Variants in LDLRAD3 observed in about 807,000 individuals in gnomAD.
LDLRAD3 encodes the protein low-density lipoprotein receptor class A domain-containing protein 3.
Under a neutral mutation model 29.4 loss-of-function variants are expected in LDLRAD3, and 20 were observed. The observed-to-expected ratio is 0.68, with a 90% CI of 0.48 to 0.99. LDLRAD3 has a LOEUF of 0.99. LDLRAD3 is among the 50% of genes least tolerant of loss of function. LDLRAD3 has a pLI of 0.00. For synonymous variants in LDLRAD3, 157 were observed against 192.7 expected (o/e 0.81, Z 1.53); for missense variants, 420 against 454.3 (o/e 0.92, Z 0.69).
rs1851922477 is a variant in LDLRAD3 at position 36,009,050 on chromosome 11, C to G, written c.47-27053C>G. 3.3e-5 allele frequency among the ~76,000 whole-genome samples: 5 copies of G among 151,950 alleles called. No individual in the cohort carries two copies. The South Asian group carries it at 8.3e-4, about 25-fold the overall frequency. The stretch of plus-strand genomic sequence containing the variant: ...ATCTCCCTCCTTTGTATTTTTTTCT[C>G]TCTTCTCCAACACTCTGAGATCAAG... On this transcript the variant is annotated intron_variant, in intron 1 of 5. Coordinates refer to ENST00000315571, the MANE Select transcript of LDLRAD3 (RefSeq NM_174902.4).
At chr11:36,191,940 A>T (rs1854960270) in intron 4 of LDLRAD3, among the ~76,000 whole-genome samples, 1 of 152,062 alleles carries the variant, frequency 6.6e-6, no homozygotes, top group African/African-American at 2.4e-5. Flanking sequence ...AATAAACTAG[A>T]ACTAAATCCT....
chr11:36,092,615 G>T (rs1225508864), intron 3 of LDLRAD3, among the ~76,000 whole-genome samples: 2 of 152,138 alleles, frequency 1.3e-5, no homozygotes, highest in Non-Finnish European at 2.9e-5. Flanking sequence ...TCTTGAGGTT[G>T]CTTTTTAGAG....
intron 1 of LDLRAD3, among the ~76,000 whole-genome samples, chr11:36,023,463 C>A (rs935033918): frequency 6.6e-6 from 1 of 152,168 alleles, no homozygotes; most frequent in Admixed American, 6.5e-5. Context: ...GATTCTCTGG[C>A]TAGCTCCAGC....
At chr11:36,221,782 TCCA>T (rs1445419365) in intron 4 of LDLRAD3, among the ~76,000 whole-genome samples, 1 of 152,192 alleles carries the variant, frequency 6.6e-6, no homozygotes, top group African/African-American at 2.4e-5. Flanking sequence ...AATCTCCCTC[TCCA>T]CAAGCATCTA....
rs370739880 is a variant in LDLRAD3, at chr11:36,107,186, ATTTTTC to A, written c.454+8743_454+8748del. 4.0e-3 allele frequency among the ~76,000 whole-genome samples: 600 copies of A among 151,046 alleles called. 7 individuals are homozygous for A. In the East Asian group the frequency reaches 0.04, roughly 10 times the overall value. ...GATCCTCAGGAAATGTCTGTCTGTAATTTTTCTTTTTCTTTTTCTTTTTTTTTTTTT... is the reference window on the plus strand; with the variant it reads ...GATCCTCAGGAAATGTCTGTCTGTAATTTTTCTTTTTCTTTTTTTTTTTTT... On this transcript the variant is annotated intron_variant, in intron 4 of 5. Transcript: ENST00000315571.
chr11:36,078,683 C>T (rs1853058469), intron 2 of LDLRAD3, among the ~76,000 whole-genome samples: 1 of 152,178 alleles, frequency 6.6e-6, no homozygotes, highest in South Asian at 2.1e-4. Flanking sequence ...GGGACTCCTG[C>T]CTGCTCCATG....
intron 2 of LDLRAD3, among the ~76,000 whole-genome samples, chr11:36,080,932 A>G (rs558911024): frequency 6.6e-6 from 1 of 152,318 alleles, no homozygotes; most frequent in South Asian, 2.1e-4. Flanking sequence ...GGGGCTGATC[A>G]CGTAGGCACC....
At chr11:36,113,224 G>A (rs1386710377) in intron 4 of LDLRAD3, among the ~76,000 whole-genome samples, 3 of 146,426 alleles carry the variant, frequency 2.0e-5, no homozygotes, top group Non-Finnish European at 4.4e-5. Flanking sequence ...ATAACAAAGA[G>A]ATCCCATCGT....
At chr11:36,135,856 G>GCA (rs1853996791) in intron 4 of LDLRAD3, among the ~76,000 whole-genome samples, 1 of 152,172 alleles carries the variant, frequency 6.6e-6, no homozygotes, top group Non-Finnish European at 1.5e-5. Flanking sequence ...GTTGCAGTGA[G>GCA]CCGAGATAGC....
At chr11:35,988,085 T>C (rs1700293058) in intron 1 of LDLRAD3, among the ~76,000 whole-genome samples, 2 of 152,240 alleles carry the variant, frequency 1.3e-5, no homozygotes, top group African/African-American at 4.8e-5. Context: ...TGAGACATGG[T>C]CTCACTCTGT....
intron 1 of LDLRAD3, among the ~76,000 whole-genome samples, chr11:36,015,866 C>T (rs938012821): frequency 1.2e-4 from 19 of 152,200 alleles, no homozygotes; most frequent in South Asian, 4.1e-4. Flanking sequence ...CTCCCACAAG[C>T]CTTGGGCTCC....
At chr11:36,219,181 T>A (rs1463477406) in intron 4 of LDLRAD3, among the ~76,000 whole-genome samples, 1 of 152,272 alleles carries the variant, frequency 6.6e-6, no homozygotes, top group East Asian at 1.9e-4. Context: ...TACTATCTGG[T>A]CCTTGACAGT....
chr11:36,172,492 A>G (rs1013581783), intron 4 of LDLRAD3, among the ~76,000 whole-genome samples: 1 of 151,936 alleles, frequency 6.6e-6, no homozygotes, highest in African/African-American at 2.4e-5. Context: ...ACATTAAGGT[A>G]TGTCCCTTCT....
chr11:36,009,599 C>T (rs1018878851), intron 1 of LDLRAD3, among the ~76,000 whole-genome samples: 1 of 152,198 alleles, frequency 6.6e-6, no homozygotes, highest in Non-Finnish European at 1.5e-5. Context: ...TTCCCACCTC[C>T]ACTATAATCA....
rs1482886786 is a variant in LDLRAD3, at chr11:36,229,460, T to TTG, written c.*66_*67dup. ...TCTGACTTGTTGCCATTCTAACAATTTGTGCTCATGGGAAGCTCTTTAAGC... is the reference window on the plus strand; with the variant it reads ...TCTGACTTGTTGCCATTCTAACAATTTGTGTGCTCATGGGAAGCTCTTTAAGC... On this transcript the variant is annotated 3_prime_UTR_variant, in exon 6 of 6. Coordinates refer to ENST00000315571, the MANE Select transcript of LDLRAD3 (RefSeq NM_174902.4). 1 of 1,245,710 alleles carries TTG rather than the reference T, an allele frequency of 8.0e-7. No individual in the cohort carries two copies. The highest frequency in any genetic ancestry group is 1.2e-6 in the Non-Finnish European group (1 of 867,766). The allele number at this position is 1,245,710 out of a possible 1,614,324, so 77.2% of individuals were successfully genotyped here. A position where few individuals can be genotyped will look rare whatever the true frequency, so the allele number is the denominator to read the frequency against.
chr11:36,069,139 C>G (rs945710453), intron 2 of LDLRAD3, among the ~76,000 whole-genome samples: 12 of 152,164 alleles, frequency 7.9e-5, no homozygotes, highest in Non-Finnish European at 1.6e-4. Flanking sequence ...TTGCAACAAG[C>G]AAAGGACTTT....
Position 36,003,382 on chromosome 11 carries a change from C to G in LDLRAD3, c.47-32721C>G, listed in dbSNP as rs143294721. Among the ~76,000 whole-genome samples, 418 of 152,314 alleles carry G rather than the reference C, an allele frequency of 2.7e-3. 2 individuals carry two copies. Among genetic ancestry groups the G allele is most frequent in the African/African-American group, 9.8e-3 (406 of 41,572 alleles). ...TTCCATATTAACTGTATTTTCTCAG[C>G]CTTTCCTGTTGAAGCCTGAGTCCTT... On this transcript the variant is annotated intron_variant, in intron 1 of 5. Coordinates refer to ENST00000315571, the MANE Select transcript of LDLRAD3 (RefSeq NM_174902.4).
At chr11:36,228,859 AT>A (rs1855534454) in intron 5 of LDLRAD3, among the ~76,000 whole-genome samples, 1 of 152,082 alleles carries the variant, frequency 6.6e-6, no homozygotes, top group Non-Finnish European at 1.5e-5. Flanking sequence ...CAGAGTGGCA[AT>A]GCCAAACCAC....
At chr11:36,115,927 T>C (rs1331396840) in intron 4 of LDLRAD3, among the ~76,000 whole-genome samples, 1 of 152,184 alleles carries the variant, frequency 6.6e-6, no homozygotes, top group East Asian at 1.9e-4. Context: ...CCCCCTTACC[T>C]TAGCATGTAT....
Sources: gnomAD v4.1 joint callset for allele counts (sites outside exome capture counted in the v4.1 genomes callset) on GRCh38, gnomAD v4.1.1 for gene constraint, MANE v1.5 for transcripts, NCBI Gene and HGNC (gene_info 2026-07-23, HGNC 2026-07-21) for gene names.